Variants in ABCA4 observed in about 807,000 individuals in gnomAD.
ABCA4 encodes ATP binding cassette subfamily A member 4.
In ABCA4, 196 loss-of-function variants were observed where a neutral mutation model predicts 263.7. The ratio of observed to expected loss-of-function variants is 0.74; its 90% CI spans 0.66 to 0.84. The LOEUF (loss-of-function observed/expected upper bound fraction) is 0.84, where lower values mean the gene tolerates loss of function less well. Among genes scored for constraint, ABCA4 ranks in the 40% least tolerant of loss-of-function variants. The pLI, the probability that ABCA4 is intolerant of heterozygous loss-of-function variation, is 0.00. For missense variants in ABCA4, 2,792 were observed against 2,855.1 expected, an observed-to-expected ratio of 0.98 and a Z score of 0.50; for synonymous variants, 1,133 against 1,094.2, an observed-to-expected ratio of 1.04 and a Z score of -0.70.
At chr1:94,008,944 C>G in intron 40 of ABCA4, 73 bp from the exon 41 acceptor site, 1 of 1,584,324 alleles carries the variant, frequency 6.3e-7, no homozygotes, top group Non-Finnish European at 8.6e-7. Flanking sequence ...CATGGGACCT[C>G]TCTTCCACTT....
At position 94,092,006 on chromosome 1, in the gene ABCA4, C is replaced by T. The variant is rs531321157; in HGVS notation, c.768+6788G>A. Among the ~76,000 whole-genome samples the T allele has an allele frequency of 3.9e-5, 6 of 152,310 alleles. No homozygotes were observed. The South Asian group carries it at 1.2e-3, about 32-fold the overall frequency. On this transcript the variant is annotated intron_variant, in intron 6 of 49. Transcript: ENST00000370225. ...TCTTGTTGGCATAGTATTTCTGATG[C>T]TTTGGATCAAATGTGTTCATCAAAC... is the stretch of plus-strand genomic sequence containing the variant.
chr1:94,014,281 C>T (rs563360844), intron 38 of ABCA4, among the ~76,000 whole-genome samples: 15 of 125,534 alleles, frequency 1.2e-4, no homozygotes, highest in African/African-American at 2.5e-4. Flanking sequence ...GAAGGAGGGA[C>T]GAAGGAAGGA....
At chr1:94,068,876 C>G (rs1001781394) in intron 11 of ABCA4, among the ~76,000 whole-genome samples, 6 of 152,170 alleles carry the variant, frequency 3.9e-5, no homozygotes, top group African/African-American at 1.4e-4. Context: ...ATGTTATAGC[C>G]GGAGCTCAGA....
rs1213146613 is a variant in ABCA4, at chr1:94,032,714, T to G, written c.3863-671A>C. On this transcript the variant is annotated intron_variant, in intron 26 of 49. Coordinates refer to ENST00000370225, the MANE Select transcript of ABCA4 (RefSeq NM_000350.3). ...TATGTGTAATACACTCACATTTATG[T>G]TTAAAATTCATGTTCATGTATCCTA... 9.2e-5 allele frequency among the ~76,000 whole-genome samples: 14 copies of G among 152,296 alleles called. No homozygotes were observed. The South Asian group carries it at 2.5e-3, about 27-fold the overall frequency.
Position 94,015,824 on chromosome 1 carries a change from C to A in ABCA4, c.5227G>T (p.Val1743Leu). The A allele has an allele frequency of 6.2e-7, 1 of 1,613,980 alleles. No homozygotes were observed. The highest frequency in any genetic ancestry group is 8.5e-7 in the Non-Finnish European group (1 of 1,179,950). The part of the protein sequence containing the change: ...MNYSVSAGLV[V>L]GIFIGFQKKA... ...TTCTGAAACCCGATGAAGATGCCCACCACCAGCCCAGCACTCACGGAATAA... is the reference window on the plus strand; with the variant it reads ...TTCTGAAACCCGATGAAGATGCCCAACACCAGCCCAGCACTCACGGAATAA... Residue 1743 changes from valine to leucine, a missense_variant, in exon 37 of 50, where the codon GTG becomes TTG. Coordinates refer to ENST00000370225, the MANE Select transcript of ABCA4 (RefSeq NM_000350.3).
At chr1:94,011,208 C>T (rs1659537144) in intron 39 of ABCA4, 54 bp downstream of exon 39, 1 of 1,613,170 alleles carries the variant, frequency 6.2e-7, no homozygotes, top group African/African-American at 1.3e-5. Flanking sequence ...CCCCGGTAAC[C>T]CTCCCAGCTT....
chr1:94,105,884 G>A (rs551248544), intron 4 of ABCA4, among the ~76,000 whole-genome samples: 4 of 152,170 alleles, frequency 2.6e-5, no homozygotes, highest in Admixed American at 2.0e-4. Flanking sequence ...GCAGAAGCAC[G>A]CACCAGCACC....
intron 11 of ABCA4, among the ~76,000 whole-genome samples, chr1:94,066,154 G>A (rs1209169064): frequency 1.3e-5 from 2 of 152,190 alleles, no homozygotes; most frequent in East Asian, 3.9e-4. Context: ...CTAATATGTA[G>A]ACTGTTAGCA....
At chr1:94,003,615 C>T (rs570306365) in intron 44 of ABCA4, among the ~76,000 whole-genome samples, 76 of 152,142 alleles carry the variant, frequency 5.0e-4, no homozygotes, top group Middle Eastern at 3.4e-3. Context: ...TACAGAGTTA[C>T]TTTTATTTCT....
intron 11 of ABCA4, among the ~76,000 whole-genome samples, chr1:94,073,803 T>C (rs1661468429): frequency 6.7e-6 from 1 of 149,592 alleles, no homozygotes; most frequent in Non-Finnish European, 1.5e-5. Flanking sequence ...ACGATACGAA[T>C]GTCAAGTAGA....
chr1:94,107,752 T>G (rs1400911425), intron 4 of ABCA4, among the ~76,000 whole-genome samples: 1 of 152,188 alleles, frequency 6.6e-6, no homozygotes, highest in Non-Finnish European at 1.5e-5. Flanking sequence ...CATGGCCGCA[T>G]CTGGGGGCCA....
intron 11 of ABCA4, among the ~76,000 whole-genome samples, chr1:94,074,446 C>A (rs959590838): frequency 6.6e-6 from 1 of 152,180 alleles, no homozygotes; most frequent in African/African-American, 2.4e-5. Flanking sequence ...TCAGGACATA[C>A]GCATGGGCAA....
intron 1 of ABCA4, among the ~76,000 whole-genome samples, chr1:94,116,334 C>T (rs1263757751): frequency 6.6e-6 from 1 of 152,040 alleles, no homozygotes; most frequent in Non-Finnish European, 1.5e-5. Context: ...CATGTGGCTG[C>T]AGGCTGAAAA....
rs3789396 is a variant in ABCA4 at position 94,045,379 on chromosome 1, G to T, written c.2919-635C>A. ...TCCCATGTCCTTAGGTTGTTGTAAG[G>T]CTTAAATGAGTTAATACACTTACAA... On this transcript the variant is annotated intron_variant, in intron 19 of 49. Coordinates refer to ENST00000370225, the MANE Select transcript of ABCA4 (RefSeq NM_000350.3). Among the ~76,000 whole-genome samples the T allele has an allele frequency of 1.9e-4, 29 of 150,860 alleles. No homozygotes were observed. The East Asian group carries it at 5.4e-3, about 28-fold the overall frequency.
At chr1:94,008,151 A>G (rs1010525543) in intron 42 of ABCA4, 84 bp downstream of exon 42, 2 of 1,268,254 alleles carry the variant, frequency 1.6e-6, no homozygotes, top group African/African-American at 2.9e-5. Flanking sequence ...GTTCCTATTG[A>G]ATAGCTCTGC....
rs1660141862 is a variant in ABCA4 at position 94,029,592 on chromosome 1, A to G, written c.4392T>C (p.Pro1464=). Residue 1464 remains proline (P), a synonymous_variant, in exon 30 of 50, where the codon CCT becomes CCC. Coordinates refer to ENST00000370225, the MANE Select transcript of ABCA4 (RefSeq NM_000350.3). The stretch of plus-strand genomic sequence containing the variant: ...GCTGGGTGATGTTTGGGGACACAGA[A>G]GGAGTCTTCCAGGGTGTTGAGTTGC... ...PCGNSTPWKT[P]SVSPNITQLF... The G allele has an allele frequency of 1.2e-6, 2 of 1,613,960 alleles. No homozygotes were observed. Among genetic ancestry groups the G allele is most frequent in the South Asian group, 2.2e-5 (2 of 91,050 alleles).
intron 26 of ABCA4, among the ~76,000 whole-genome samples, chr1:94,032,628 C>G (rs1660236352): frequency 6.6e-6 from 1 of 152,168 alleles, no homozygotes; most frequent in Non-Finnish European, 1.5e-5. Context: ...GAGCAAGACT[C>G]CTTCTCAAAC....
intron 6 of ABCA4, among the ~76,000 whole-genome samples, chr1:94,089,884 AT>A (rs1203102704): frequency 3.3e-5 from 5 of 152,262 alleles, no homozygotes; most frequent in African/African-American, 1.2e-4. Context: ...ATTTTCAAAG[AT>A]TAATTAAAAA....
chr1:94,046,473 A>AAAAAAAAAAAAAAAAAAAAAAG (rs71094277), intron 19 of ABCA4, among the ~76,000 whole-genome samples: 16 of 120,834 alleles, frequency 1.3e-4, no homozygotes, highest in Non-Finnish European at 2.5e-4. Flanking sequence ...AAAAAAAAAA[A>AAAAAAAAAAAAAAAAAAAAAAG]AAAGAAAAGA....
Sources: gnomAD v4.1 joint callset for allele counts (sites outside exome capture counted in the v4.1 genomes callset) on GRCh38, gnomAD v4.1.1 for gene constraint, MANE v1.5 for transcripts, NCBI Gene and HGNC (gene_info 2026-07-23, HGNC 2026-07-21) for gene names.